The following GLRA2 variants were observed in gnomAD, a reference collection of about 807,000 sequenced individuals.
GLRA2 encodes glycine receptor subunit alpha-2.
In GLRA2, 11 loss-of-function variants were observed where a neutral mutation model predicts 31.6. The ratio of observed to expected loss-of-function variants is 0.35; its 90% CI spans 0.22 to 0.58. GLRA2 has a LOEUF of 0.58. GLRA2 is among the 20% of genes least tolerant of loss of function. The pLI is 0.84. For missense variants in GLRA2, 212 were observed against 351.8 expected (o/e 0.60, Z 3.18); for synonymous variants, 132 against 134.0 (o/e 0.99, Z 0.10).
upstream of GLRA2, among the ~76,000 whole-genome samples, chrX:14,525,453 A>C (rs1399487375): frequency 1.8e-5 from 2 of 112,100 alleles, no homozygotes; most frequent in Non-Finnish European, 3.8e-5. Context: ...AAATAAATTA[A>C]GTAAATGAGA....
intron 7 of GLRA2, among the ~76,000 whole-genome samples, chrX:14,626,887 A>G (rs1320768444): frequency 8.9e-6 from 1 of 112,174 alleles, no homozygotes; most frequent in Admixed American, 9.5e-5. Context: ...TATTTGCTGC[A>G]TAATTTTATG....
At chrX:14,625,607 G>A (rs1336674089) in intron 7 of GLRA2, among the ~76,000 whole-genome samples, 1 of 111,371 alleles carries the variant, frequency 9.0e-6, no homozygotes, top group Non-Finnish European at 1.9e-5. Context: ...CTTCACTTAT[G>A]AAGCTTAGTT....
the GLRA2 span, among the ~76,000 whole-genome samples, chrX:14,517,650 A>G: frequency 8.9e-6 from 1 of 111,821 alleles, no homozygotes. Flanking sequence ...GGATTATGGG[A>G]ACTACCATTC....
At chrX:14,638,534 T>G (rs987987525) in intron 7 of GLRA2, among the ~76,000 whole-genome samples, 1 of 111,259 alleles carries the variant, frequency 9.0e-6, no homozygotes, top group African/African-American at 3.3e-5. Flanking sequence ...TGATTTCCAT[T>G]ACTTTTGGGT....
chrX:14,481,928 T>C, the GLRA2 span, among the ~76,000 whole-genome samples: 1 of 111,051 alleles, frequency 9.0e-6, no homozygotes, highest in East Asian at 2.8e-4. Flanking sequence ...TTTAGAAAGT[T>C]GAAAGAAAAG....
In GLRA2 at chrX:14,574,022, G is replaced by C. The variant is rs2089919573; in HGVS notation, c.203-311G>C. On this transcript the variant is annotated intron_variant, in intron 2 of 8. Transcript: ENST00000218075. ...ATGTCTACAATGTTGATGATCCTAA[G>C]GTCAAAAATAAAAAAGCCACCACCC... is the stretch of plus-strand genomic sequence containing the variant. Among the ~76,000 whole-genome samples the C allele has an allele frequency of 3.6e-5, 4 of 110,340 alleles. No individual in the cohort carries two copies. The Admixed American group carries it at 3.9e-4, about 11-fold the overall frequency.
At chrX:14,593,705 A>C (rs1463079077) in intron 4 of GLRA2, among the ~76,000 whole-genome samples, 1 of 82,003 alleles carries the variant, frequency 1.2e-5, no homozygotes, top group Non-Finnish European at 2.2e-5. Flanking sequence ...ATGTTCAATG[A>C]ATGTCTTAAT....
chrX:14,451,480 A>G, the GLRA2 span, among the ~76,000 whole-genome samples: 2 of 109,281 alleles, frequency 1.8e-5, no homozygotes, highest in East Asian at 2.9e-4. Context: ...AATACAAAAA[A>G]TTAGCCAAGC....
chrX:14,541,992 G>A (rs1045971303), intron 2 of GLRA2, among the ~76,000 whole-genome samples: 4 of 111,247 alleles, frequency 3.6e-5, no homozygotes, highest in Non-Finnish European at 7.6e-5. Flanking sequence ...GGCAAATCCT[G>A]GGCCCCACAC....
intron 7 of GLRA2, among the ~76,000 whole-genome samples, chrX:14,687,445 C>T (rs919237162): frequency 1.8e-5 from 2 of 112,129 alleles, no homozygotes; most frequent in Non-Finnish European, 3.8e-5. Flanking sequence ...GTACACCAAT[C>T]AGATGCAGAT....
chrX:14,474,885 C>A, the GLRA2 span, among the ~76,000 whole-genome samples: 7 of 112,079 alleles, frequency 6.2e-5, no homozygotes, highest in Non-Finnish European at 9.4e-5. Flanking sequence ...TGTGAAGGTC[C>A]TACTGGCCAA....
intron 8 of GLRA2, among the ~76,000 whole-genome samples, chrX:14,722,712 C>T (rs2091881087): frequency 8.9e-6 from 1 of 111,734 alleles, no homozygotes; most frequent in Non-Finnish European, 1.9e-5. Flanking sequence ...CTTCTCTTCT[C>T]TTTGCCTTGC....
intron 7 of GLRA2, among the ~76,000 whole-genome samples, chrX:14,619,285 GTAGCTCCCTGTTGAACATCTTCCCA>G (rs1264477619): frequency 3.8e-4 from 42 of 110,560 alleles, no homozygotes; most frequent in Middle Eastern, 4.7e-3. Context: ...ACATCTTCCC[GTAGCTCCCTGTTGAACATCTTCCCA>G]TAGCTCCCTG....
At chrX:14,540,466 A>C (rs2089386223) in intron 2 of GLRA2, among the ~76,000 whole-genome samples, 1 of 111,335 alleles carries the variant, frequency 9.0e-6, no homozygotes, top group African/African-American at 3.3e-5. Context: ...CATTAGCCAG[A>C]TTCAACTAAC....
intron 7 of GLRA2, among the ~76,000 whole-genome samples, chrX:14,660,594 G>A (rs1205280913): frequency 9.0e-6 from 1 of 111,506 alleles, no homozygotes; most frequent in African/African-American, 3.3e-5. Context: ...AGGGAGCAAG[G>A]ATACCAGTTA....
At chrX:14,709,103 T>C (rs2091675778) in intron 8 of GLRA2, among the ~76,000 whole-genome samples, 1 of 111,120 alleles carries the variant, frequency 9.0e-6, no homozygotes. Context: ...GGCCCAGTGG[T>C]GCATGCCTGT....
At chrX:14,580,496 G>A (rs780816694) in intron 3 of GLRA2, among the ~76,000 whole-genome samples, 1 of 111,814 alleles carries the variant, frequency 8.9e-6, no homozygotes, top group East Asian at 2.8e-4. Flanking sequence ...CAGACCAAAT[G>A]GGAATGCCAG....
At chrX:14,710,216 C>T (rs941888109) in intron 8 of GLRA2, among the ~76,000 whole-genome samples, 41 of 111,936 alleles carry the variant, frequency 3.7e-4, no homozygotes, top group Middle Eastern at 9.2e-3. Flanking sequence ...TACTGAGCCC[C>T]CTGCAGAAAC....
At chrX:14,608,398 G>A (rs377495399) in intron 6 of GLRA2, among the ~76,000 whole-genome samples, 1 of 111,486 alleles carries the variant, frequency 9.0e-6, no homozygotes, top group South Asian at 3.7e-4. Context: ...ACAATGACTA[G>A]ACTATACACT....
Sources: allele counts gnomAD v4.1 joint callset (sites outside exome capture counted in the v4.1 genomes callset), GRCh38; gene constraint gnomAD v4.1.1; transcripts MANE v1.5; gene names NCBI Gene and HGNC (gene_info 2026-07-23, HGNC 2026-07-21).